The following CLDN10 variants were observed in gnomAD, a reference collection of about 807,000 sequenced individuals.
The protein encoded by CLDN10 is claudin 10, also known as claudin-10.
In CLDN10, 15 loss-of-function variants were observed where a neutral mutation model predicts 22.9. The ratio of observed to expected loss-of-function variants is 0.65; its 90% CI spans 0.44 to 1.01. CLDN10 has a LOEUF of 1.01. Among genes scored for constraint, CLDN10 ranks in the 50% least tolerant of loss-of-function variants. The probability of loss-of-function intolerance (pLI) is 0.00; values close to 1 mark genes in which losing one functional copy is unlikely to be tolerated. For missense variants in CLDN10, 247 were observed against 287.8 expected (o/e 0.86, Z 1.03); for synonymous variants, 114 against 111.4 (o/e 1.02, Z -0.15).
intron 3 of CLDN10, among the ~76,000 whole-genome samples, chr13:95,569,883 C>T (rs2043833137): frequency 6.6e-6 from 1 of 152,032 alleles, no homozygotes. Context: ...ATTCTCCTGC[C>T]TCAGTCTCCC....
intron 1 of CLDN10, among the ~76,000 whole-genome samples, chr13:95,473,831 C>G (rs778934655): frequency 1.3e-5 from 2 of 152,226 alleles, no homozygotes; most frequent in Admixed American, 6.5e-5. Context: ...CCAGCTCTGC[C>G]GCCAGGCTGT....
At chr13:95,572,355 G>A (rs2043874763) in intron 3 of CLDN10, among the ~76,000 whole-genome samples, 2 of 152,044 alleles carry the variant, frequency 1.3e-5, no homozygotes, top group African/African-American at 4.8e-5. Flanking sequence ...TAAGAGCTTC[G>A]GTTTGCAATC....
At position 95,578,022 on chromosome 13, in the gene CLDN10, C is replaced by G. The variant is rs774757453; in HGVS notation, c.*8C>G. 6.6e-7 allele frequency: 1 copy of G among 1,523,194 alleles called. No homozygotes were observed. The highest frequency in any genetic ancestry group is 9.1e-7 in the Non-Finnish European group (1 of 1,100,040). 94.4% of individuals were successfully genotyped at this position (1,523,194 alleles called of 1,614,324 possible). Reference sequence around the variant, plus strand: ...AAAAATGCTTATGTCTAAAAGAGCTCGCTGGCAAGCTGCCTCTTGAGTTTG... The same window carrying G: ...AAAAATGCTTATGTCTAAAAGAGCTGGCTGGCAAGCTGCCTCTTGAGTTTG... On this transcript the variant is annotated 3_prime_UTR_variant, in exon 5 of 5. Transcript: ENST00000299339.
At position 95,527,736 on chromosome 13, in the gene CLDN10, G is replaced by A. The variant is rs569295470; in HGVS notation, c.215-32396G>A. 1.7e-4 allele frequency among the ~76,000 whole-genome samples: 26 copies of A among 152,082 alleles called. No homozygotes were observed. The South Asian group carries it at 3.9e-3, about 23-fold the overall frequency. On this transcript the variant is annotated intron_variant, in intron 1 of 4. Transcript: ENST00000376873. ...AAGCAACAGAGCAAGGCTCAGTCTC[G>A]AAAACAACAACAACAAAAATAAATA...
chr13:95,526,516 G>A (rs976376549), intron 1 of CLDN10, among the ~76,000 whole-genome samples: 9 of 152,292 alleles, frequency 5.9e-5, no homozygotes, highest in South Asian at 2.1e-4. Flanking sequence ...TCAGTCTCTT[G>A]TATACGGAGT....
chr13:95,469,567 T>TG (rs2139099366), intron 1 of CLDN10, among the ~76,000 whole-genome samples: 1 of 152,274 alleles, frequency 6.6e-6, no homozygotes, highest in East Asian at 1.9e-4. Context: ...GATCCAGCAG[T>TG]GTCTAGCAAC....
At chr13:95,458,777 C>T in intron 1 of CLDN10, among the ~76,000 whole-genome samples, 1 of 152,166 alleles carries the variant, frequency 6.6e-6, no homozygotes, top group Admixed American at 6.5e-5. Flanking sequence ...CCTCACATTT[C>T]AAAACATAAT....
Position 95,529,752 on chromosome 13 carries a change from A to G in CLDN10, c.215-30380A>G, listed in dbSNP as rs139485886. Among the ~76,000 whole-genome samples, 14 of 152,338 alleles carry G rather than the reference A, an allele frequency of 9.2e-5. 1 individual carries two copies. The highest frequency in any genetic ancestry group is 3.4e-4 in the African/African-American group (14 of 41,574). ...ATCCAGGATTTTTATACAAATAAGT[A>G]GGTTACAGTTAATATTCCAGTTTCG... is the stretch of plus-strand genomic sequence containing the variant. On this transcript the variant is annotated intron_variant, in intron 1 of 4. Coordinates refer to the CLDN10 transcript ENST00000376873.
chr13:95,444,078 T>C (rs945414819), intron 1 of CLDN10, among the ~76,000 whole-genome samples: 2 of 152,234 alleles, frequency 1.3e-5, no homozygotes, highest in Non-Finnish European at 2.9e-5. Context: ...CAGGTTTATC[T>C]CTCACAAGGT....
At chr13:95,469,247 T>C (rs1027938038) in intron 1 of CLDN10, among the ~76,000 whole-genome samples, 3 of 152,088 alleles carry the variant, frequency 2.0e-5, no homozygotes, top group Non-Finnish European at 4.4e-5. Context: ...TTTAGCCAAC[T>C]ATGAAGGCAG....
At chr13:95,555,381 C>A (rs930248818) in intron 1 of CLDN10, among the ~76,000 whole-genome samples, 7 of 152,172 alleles carry the variant, frequency 4.6e-5, no homozygotes, top group Non-Finnish European at 8.8e-5. Context: ...TCCCTTATTG[C>A]CGTGGTCAAA....
intron 1 of CLDN10, among the ~76,000 whole-genome samples, chr13:95,513,243 C>T (rs1471632576): frequency 1.3e-5 from 2 of 152,170 alleles, no homozygotes. Flanking sequence ...CCCTTAGAAT[C>T]CATAGTCAAG....
At chr13:95,553,110 G>A in intron 1 of CLDN10, 137 bp downstream of exon 1, 5 of 1,216,464 alleles carry the variant, frequency 4.1e-6, no homozygotes, top group Non-Finnish European at 5.6e-6. Context: ...CTCCCAACAG[G>A]GCCTTAGGGA....
chr13:95,467,529 T>TG (rs1555289388), intron 1 of CLDN10, among the ~76,000 whole-genome samples: 1,937 of 150,894 alleles, frequency 0.013, 27 homozygotes, highest in African/African-American at 0.043. Context: ...TTGTTTTTTT[T>TG]GGGGGGGGCA....
At chr13:95,495,999 A>C (rs1028404071) in intron 1 of CLDN10, among the ~76,000 whole-genome samples, 3 of 152,160 alleles carry the variant, frequency 2.0e-5, no homozygotes, top group African/African-American at 7.2e-5. Context: ...GTAGGTTCTC[A>C]CCAAATTTAT....
intron 1 of CLDN10, among the ~76,000 whole-genome samples, chr13:95,519,010 G>A (rs959720749): frequency 6.6e-6 from 1 of 152,118 alleles, no homozygotes; most frequent in Non-Finnish European, 1.5e-5. Flanking sequence ...ACAGGTATCG[G>A]TAGAGCCATG....
At chr13:95,559,701 C>T (rs570614782) in intron 1 of CLDN10, among the ~76,000 whole-genome samples, 4 of 152,212 alleles carry the variant, frequency 2.6e-5, no homozygotes, top group East Asian at 3.9e-4. Context: ...GTCCAATGAG[C>T]GGAGGAGCTA....
chr13:95,544,140 A>G (rs184897560), intron 1 of CLDN10, among the ~76,000 whole-genome samples: 8 of 152,276 alleles, frequency 5.3e-5, no homozygotes, highest in Admixed American at 3.9e-4. Flanking sequence ...AATTTGTTGG[A>G]TCCTCTCAAT....
rs387907413 is a variant in CLDN10, at chr13:95,560,419, C to G, written c.420C>G (p.Asn140Lys). ...TGACTGGATGTTCCCTATATGCAAA[C>G]AAAATCACAACGGAATTCTTTGATC... Reference protein sequence around the residue: ...CSMTGCSLYANKITTEFFDPL... With the variant: ...CSMTGCSLYAKKITTEFFDPL... The change falls in exon 3 of 5, where the codon AAC becomes AAG. Residue 140 changes from asparagine to lysine, a missense_variant. Transcript: ENST00000299339. 5.0e-6 allele frequency: 8 copies of G among 1,614,036 alleles called. No homozygotes were observed. The highest frequency in any genetic ancestry group is 6.8e-6 in the Non-Finnish European group (8 of 1,179,912).
Sources: allele counts gnomAD v4.1 joint callset (sites outside exome capture counted in the v4.1 genomes callset), GRCh38; gene constraint gnomAD v4.1.1; transcripts MANE v1.5; gene names NCBI Gene and HGNC (gene_info 2026-07-23, HGNC 2026-07-21).